Variants in SHBG observed in about 807,000 individuals in gnomAD.
SHBG encodes sex hormone-binding globulin.
Under a neutral mutation model 41.9 loss-of-function variants are expected in SHBG, and 37 were observed. That is an observed-to-expected ratio of 0.88 (90% CI 0.68 to 1.16). The LOEUF is 1.16. SHBG is among the 50% of genes most tolerant of loss of function. SHBG has a pLI of 0.00. For synonymous variants in SHBG, 217 were observed against 205.8 expected (o/e 1.05, Z -0.47); for missense variants, 466 against 499.9 (o/e 0.93, Z 0.65).
intron 1 of SHBG, among the ~76,000 whole-genome samples, chr17:7,617,282 A>C (rs1038375410): frequency 6.6e-6 from 1 of 151,986 alleles, no homozygotes; most frequent in African/African-American, 2.4e-5. Flanking sequence ...CACTGGAAAA[A>C]TTATTAATAT....
chr17:7,622,906 A>G (rs1296905849), intron 1 of SHBG, among the ~76,000 whole-genome samples: 2 of 151,330 alleles, frequency 1.3e-5, no homozygotes, highest in African/African-American at 4.8e-5. Flanking sequence ...GCGTGGTGGC[A>G]GGCGCCTGTG....
chr17:7,631,827 C>A, intron 5 of SHBG, 52 bp from the exon 6 acceptor site: 1 of 1,613,624 alleles, frequency 6.2e-7, no homozygotes, highest in South Asian at 1.1e-5. Flanking sequence ...TGGCCCCTTT[C>A]CTCCTTGAGA....
upstream of SHBG, chr17:7,630,099 C>A: frequency 7.9e-7 from 1 of 1,269,724 alleles, no homozygotes; most frequent in South Asian, 1.2e-5. This position sits in a 1 kb window ranked among gnomAD's most constrained non-coding sequence, Gnocchi z 4.6. Flanking sequence ...CCTCCACCGC[C>A]CACACGCAAG....
chr17:7,627,610 G>T (rs534591206), upstream of SHBG: 68 of 1,613,290 alleles, frequency 4.2e-5, no homozygotes, highest in Admixed American at 4.8e-4. The surrounding 1 kb of genome is among the most constrained non-coding windows in gnomAD (Gnocchi z 4.8). Context: ...TCCCTCCTTG[G>T]CCTCTCGGAT....
chr17:7,628,430 A>C (rs1271410837), upstream of SHBG, among the ~76,000 whole-genome samples: 1 of 142,708 alleles, frequency 7.0e-6, no homozygotes, highest in Non-Finnish European at 1.5e-5. Context: ...CGCCCGGCTA[A>C]TTTTTTTTTC....
upstream of SHBG, among the ~76,000 whole-genome samples, chr17:7,629,577 G>C (rs2072334085): frequency 6.6e-6 from 1 of 152,030 alleles, no homozygotes; most frequent in Admixed American, 6.6e-5. Context: ...AGAGGCCTGG[G>C]AAAAGACTGG....
intron 1 of SHBG, among the ~76,000 whole-genome samples, chr17:7,615,454 C>G (rs1020878767): frequency 2.0e-5 from 3 of 152,246 alleles, no homozygotes; most frequent in Non-Finnish European, 4.4e-5. Context: ...CTGTAACTCT[C>G]TACTGTAGTA....
chr17:7,626,879 G>A (rs2072226280), upstream of SHBG: 7 of 1,602,314 alleles, frequency 4.4e-6, no homozygotes, highest in Non-Finnish European at 5.1e-6. Flanking sequence ...TCTGGGGACA[G>A]GGGATAACAG....
intron 1 of SHBG, among the ~76,000 whole-genome samples, chr17:7,622,906 A>C (rs1296905849): frequency 6.6e-6 from 1 of 151,330 alleles, no homozygotes; most frequent in Non-Finnish European, 1.5e-5. Flanking sequence ...GCGTGGTGGC[A>C]GGCGCCTGTG....
At chr17:7,625,899 C>CA (rs1027294105), upstream of SHBG, among the ~76,000 whole-genome samples, 1,268 of 77,286 alleles carry the variant, frequency 0.016, 14 homozygotes, top group African/African-American at 0.043. Context: ...GACTTGATCT[C>CA]AAAAAAAAAA....
upstream of SHBG, among the ~76,000 whole-genome samples, chr17:7,624,529 T>C (rs1162579186): frequency 3.3e-5 from 5 of 152,238 alleles, no homozygotes; most frequent in East Asian, 9.7e-4. Context: ...GATGAACCAC[T>C]GCACCCGGCC....
At chr17:7,629,675 C>A (rs1259277537), upstream of SHBG, among the ~76,000 whole-genome samples, 1 of 152,154 alleles carries the variant, frequency 6.6e-6, no homozygotes, top group Non-Finnish European at 1.5e-5. Flanking sequence ...GTATTATTTT[C>A]CTCATTTTAC....
chr17:7,626,495 G>A (rs754143253), upstream of SHBG: 3 of 1,614,138 alleles, frequency 1.9e-6, no homozygotes, highest in Admixed American at 3.3e-5. Context: ...AGCAGAAGAA[G>A]TGCCAGCCCT....
chr17:7,623,763 TA>T (rs1419502756), upstream of SHBG, among the ~76,000 whole-genome samples: 2 of 152,094 alleles, frequency 1.3e-5, no homozygotes, highest in South Asian at 2.1e-4. Flanking sequence ...CCCAACCTAT[TA>T]TTTTTTTTTT....
rs373331280 is a variant in SHBG, at chr17:7,621,511, G to A, written c.-62+7400G>A. On this transcript the variant is annotated intron_variant, in intron 1 of 5. Transcript: ENST00000570547. ...AGCTACTCAAGAGGTTGAGGCAGGA[G>A]AATCACTTGAACCTGGGAGGCAGAG... 7.9e-5 allele frequency among the ~76,000 whole-genome samples: 10 copies of A among 126,180 alleles called. 1 individual carries two copies. The East Asian group carries it at 1.5e-3, about 19-fold the overall frequency. 82.8% of individuals were successfully genotyped at this position (126,180 alleles called of 152,430 possible).
At chr17:7,622,628 G>A (rs941744926) in intron 1 of SHBG, among the ~76,000 whole-genome samples, 1 of 152,112 alleles carries the variant, frequency 6.6e-6, no homozygotes, top group Non-Finnish European at 1.5e-5. Context: ...TGGAGCCCAA[G>A]GATGTAGACA....
At chr17:7,630,094 A>G, upstream of SHBG, 1 of 1,220,862 alleles carries the variant, frequency 8.2e-7, no homozygotes. The surrounding 1 kb of genome is among the most constrained non-coding windows in gnomAD (Gnocchi z 4.6). Context: ...TTAACCCTCC[A>G]CCGCCCACAC....
chr17:7,623,192 G>T (rs2072130766), upstream of SHBG, among the ~76,000 whole-genome samples: 1 of 152,146 alleles, frequency 6.6e-6, no homozygotes, highest in Non-Finnish European at 1.5e-5. Context: ...CAGAATTGGA[G>T]ACCAGCCTGA....
chr17:7,622,215 G>T (rs1454189003), intron 1 of SHBG, among the ~76,000 whole-genome samples: 1 of 151,542 alleles, frequency 6.6e-6, no homozygotes, highest in African/African-American at 2.4e-5. Flanking sequence ...CCTTAGAATG[G>T]ACAGAACCCA....
Sources: gnomAD v4.1 joint callset for allele counts (sites outside exome capture counted in the v4.1 genomes callset) on GRCh38, gnomAD v4.1.1 for gene constraint, Gnocchi (gnomAD v3.1) non-coding constraint, MANE v1.5 for transcripts, NCBI Gene and HGNC (gene_info 2026-07-23, HGNC 2026-07-21) for gene names.